Variants in CYP4F12 observed in about 807,000 individuals in gnomAD.
CYP4F12 encodes cytochrome P450 4F12.
A neutral mutation model predicts 56.5 loss-of-function variants in CYP4F12; 60 were observed. The ratio of observed to expected loss-of-function variants is 1.06; its 90% CI spans 0.86 to 1.32. The LOEUF (loss-of-function observed/expected upper bound fraction) is 1.32, where lower values mean the gene tolerates loss of function less well. Among genes scored for constraint, CYP4F12 ranks in the 40% most tolerant of loss-of-function variants. The pLI is 0.00. For synonymous variants in CYP4F12, 263 were observed against 264.9 expected (o/e 0.99, Z 0.07); for missense variants, 711 against 683.5 (o/e 1.04, Z -0.45).
chr19:15,685,089 GCCT>G lies in CYP4F12; in HGVS notation c.1009_1011del (p.Leu337del). The G allele has an allele frequency of 6.2e-7, 1 of 1,614,062 alleles. No individual in the cohort carries two copies. Among genetic ancestry groups the G allele is most frequent in the Non-Finnish European group, 8.5e-7 (1 of 1,179,974 alleles). Reference sequence around the variant, plus strand: ...TCAGGCCATGACACCACGGCCAGTGGCCTCTCCTGGGTCCTGTACAACCTTGCG... The same window carrying G: ...TCAGGCCATGACACCACGGCCAGTGGCTCCTGGGTCCTGTACAACCTTGCG... On this transcript the variant is annotated inframe_deletion, in exon 9 of 13. Transcript: ENST00000550308.
chr19:15,687,005 G>A (rs2007641233), intron 9 of CYP4F12, among the ~76,000 whole-genome samples: 1 of 152,150 alleles, frequency 6.6e-6, no homozygotes, highest in Admixed American at 6.5e-5. Flanking sequence ...ATAAAAATGA[G>A]CTTTCCTCAT....
rs1289700078 is a variant in CYP4F12, at chr19:15,677,616, A to C, written c.199-645A>C. ...TCCTCACTCACTCGTTCCTCTCCTC[A>C]CTCACTCATTCCTCTCCTCACTTAC... On this transcript the variant is annotated intron_variant, in intron 2 of 12. Coordinates refer to ENST00000550308, the MANE Select transcript of CYP4F12 (RefSeq NM_023944.4). 1.9e-4 allele frequency among the ~76,000 whole-genome samples: 12 copies of C among 63,816 alleles called. 4 individuals are homozygous for C. Among genetic ancestry groups the C allele is most frequent in the African/African-American group, 7.3e-4 (12 of 16,426 alleles). 41.9% of individuals were successfully genotyped at this position (63,816 alleles called of 152,430 possible). A position where few individuals can be genotyped will look rare whatever the true frequency, so the allele number is the denominator to read the frequency against.
At chr19:15,678,213 C>A (rs2007087962) in intron 2 of CYP4F12, 48 bp from the exon 3 acceptor site, 2 of 1,611,756 alleles carry the variant, frequency 1.2e-6, no homozygotes, top group African/African-American at 1.3e-5. Context: ...CTAGTGGACA[C>A]CTAAAATTAA....
chr19:15,683,343 A>G (rs978368198), intron 6 of CYP4F12, 150 bp from the exon 7 acceptor site: 7 of 821,416 alleles, frequency 8.5e-6, no homozygotes, highest in Non-Finnish European at 1.3e-5. Context: ...AGTCAGTCTC[A>G]TGACTGATAC....
At chr19:15,692,521 T>C (rs1390679390) in intron 9 of CYP4F12, among the ~76,000 whole-genome samples, 11 of 152,112 alleles carry the variant, frequency 7.2e-5, no homozygotes, top group Admixed American at 7.2e-4. Context: ...AAAGATGGTA[T>C]CTGTATCAAG....
chr19:15,680,784 T>G (rs79658509), intron 5 of CYP4F12: 2,987 of 493,100 alleles, frequency 6.1e-3, no homozygotes, highest in African/African-American at 0.053. Flanking sequence ...AAATGAAGAT[T>G]GTGTAGTAGT....
intron 5 of CYP4F12, chr19:15,682,119 A>G (rs1285605015): frequency 6.2e-6 from 2 of 322,750 alleles, no homozygotes; most frequent in African/African-American, 4.2e-5. Context: ...GGTGGGACCT[A>G]GAGGAGGGCA....
chr19:15,683,454 C>G, intron 6 of CYP4F12, 39 bp from the exon 7 acceptor site: 3 of 1,547,194 alleles, frequency 1.9e-6, no homozygotes, highest in Non-Finnish European at 2.6e-6. Flanking sequence ...GCTTTGCATA[C>G]GTTACATTGT....
intron 9 of CYP4F12, among the ~76,000 whole-genome samples, chr19:15,692,929 T>G (rs1034516573): frequency 6.9e-6 from 1 of 145,664 alleles, no homozygotes; most frequent in East Asian, 2.2e-4. Flanking sequence ...AAAAAAAAAA[T>G]TAGCTGGCTG....
chr19:15,673,511 A>G lies in CYP4F12; in HGVS notation c.-1-18A>G. The G allele has an allele frequency of 1.2e-6, 2 of 1,611,198 alleles. No individual in the cohort carries two copies. Among genetic ancestry groups the G allele is most frequent in the Non-Finnish European group, 8.5e-7 (1 of 1,179,390 alleles). On this transcript the variant is annotated intron_variant, in intron 1 of 12. Coordinates refer to ENST00000550308, the MANE Select transcript of CYP4F12 (RefSeq NM_023944.4). ...CCTGGGCCTCAGGTCCTCACCCTGCATCCCCTCTGCCCTGCAGGATGTCGC... is the reference window on the plus strand; with the variant it reads ...CCTGGGCCTCAGGTCCTCACCCTGCGTCCCCTCTGCCCTGCAGGATGTCGC...
chr19:15,696,055 G>T lies in CYP4F12; in HGVS notation c.1235G>T (p.Arg412Leu). The T allele has an allele frequency of 1.2e-6, 2 of 1,613,618 alleles. No homozygotes were observed. Among genetic ancestry groups the T allele is most frequent in the Non-Finnish European group, 1.7e-6 (2 of 1,179,744 alleles). ...CTQDIVLPDG[R>L]VIPKGITCLI... ...CAGGACATTGTTCTCCCAGATGGCC[G>T]AGTCATCCCCAAAGGTGCCCACAGC... Residue 412 changes from arginine (R) to leucine (L), a missense_variant, in exon 10 of 13, where the codon CGA becomes CTA. Coordinates refer to ENST00000550308, the MANE Select transcript of CYP4F12 (RefSeq NM_023944.4).
intron 2 of CYP4F12, among the ~76,000 whole-genome samples, chr19:15,676,079 T>G (rs1375186571): frequency 6.6e-6 from 1 of 152,102 alleles, no homozygotes; most frequent in African/African-American, 2.4e-5. Context: ...AGAAGACGGA[T>G]ATCCCAGCAG....
chr19:15,684,624 C>A, intron 7 of CYP4F12, 192 bp from the exon 8 acceptor site: 1 of 544,386 alleles, frequency 1.8e-6, no homozygotes, highest in East Asian at 3.1e-5. Flanking sequence ...CTGGGGGAAG[C>A]CCTTGGAGTT....
intron 9 of CYP4F12, among the ~76,000 whole-genome samples, chr19:15,689,288 A>G (rs1250852513): frequency 6.6e-6 from 1 of 152,016 alleles, no homozygotes; most frequent in African/African-American, 2.4e-5. Flanking sequence ...TTCCATCAAA[A>G]AGTGGGCAAA....
intron 2 of CYP4F12, 105 bp downstream of exon 2, chr19:15,673,832 C>G (rs372467434): frequency 1.5e-6 from 2 of 1,319,848 alleles, no homozygotes; most frequent in Non-Finnish European, 2.1e-6. Context: ...CTGGGGTCTG[C>G]GACCCCAGAG....
At chr19:15,675,053 C>T (rs2006850252) in intron 2 of CYP4F12, among the ~76,000 whole-genome samples, 1 of 152,224 alleles carries the variant, frequency 6.6e-6, no homozygotes, top group African/African-American at 2.4e-5. Flanking sequence ...CACAGCTGGA[C>T]CAGAAGAGAA....
chr19:15,696,680 G>A (rs749333303), intron 12 of CYP4F12, among the ~76,000 whole-genome samples, 168 bp downstream of exon 12: 1 of 152,184 alleles, frequency 6.6e-6, no homozygotes, highest in African/African-American at 2.4e-5. Context: ...AGGGGTCCGC[G>A]GAGTGCTCAA....
chr19:15,695,552 T>C (rs2008088580), intron 9 of CYP4F12, among the ~76,000 whole-genome samples: 1 of 152,012 alleles, frequency 6.6e-6, no homozygotes. Flanking sequence ...CCTTGCCTAA[T>C]TGCACTTGCT....
intron 9 of CYP4F12, among the ~76,000 whole-genome samples, chr19:15,686,384 A>C (rs2007605636): frequency 6.6e-6 from 1 of 152,192 alleles, no homozygotes. Context: ...TCAAAAAGAA[A>C]GTCTGGGCAA....
Sources: allele counts gnomAD v4.1 joint callset (sites outside exome capture counted in the v4.1 genomes callset), GRCh38; gene constraint gnomAD v4.1.1; transcripts MANE v1.5; gene names NCBI Gene and HGNC (gene_info 2026-07-23, HGNC 2026-07-21).